The following RBPJ variants were observed in gnomAD, a reference collection of about 807,000 sequenced individuals.
RBPJ encodes recombining binding protein suppressor of hairless.
RBPJ carries 9 observed loss-of-function variants against 67.8 expected under a neutral mutation model. The ratio of observed to expected loss-of-function variants is 0.13; its 90% confidence interval spans 0.08 to 0.23. The LOEUF (loss-of-function observed/expected upper bound fraction) is 0.23. Ranked by LOEUF, RBPJ falls within the 10% of genes least tolerant of loss-of-function variation. The pLI is 1.00. For synonymous variants in RBPJ, 198 were observed against 203.3 expected (o/e 0.97, Z 0.22); for missense variants, 305 against 595.6 (o/e 0.51, Z 5.08).
intron 1 of RBPJ, among the ~76,000 whole-genome samples, chr4:26,302,123 C>T (rs1722097073): frequency 6.6e-6 from 1 of 152,070 alleles, no homozygotes; most frequent in Non-Finnish European, 1.5e-5. Context: ...TATAAAAGGA[C>T]AAAATTTGCA....
intron 1 of RBPJ, among the ~76,000 whole-genome samples, chr4:26,325,079 G>C (rs909879801): frequency 3.3e-5 from 5 of 152,132 alleles, no homozygotes; most frequent in Non-Finnish European, 7.4e-5. Flanking sequence ...TTGCTTCTCT[G>C]TTCTTGGTAG....
chr4:26,155,210 G>C, the RBPJ span, among the ~76,000 whole-genome samples: 1 of 152,074 alleles, frequency 6.6e-6, no homozygotes, highest in Non-Finnish European at 1.5e-5. Context: ...AATCATGAAA[G>C]AAAAAGTACA....
At chr4:26,342,091 C>A (rs1037221105) in intron 1 of RBPJ, among the ~76,000 whole-genome samples, 2 of 152,106 alleles carry the variant, frequency 1.3e-5, no homozygotes, top group African/African-American at 4.8e-5. Context: ...GAGTTTCTGA[C>A]ACAAAAGGTC....
intron 1 of RBPJ, among the ~76,000 whole-genome samples, chr4:26,376,686 G>C (rs1729779116): frequency 6.6e-6 from 1 of 152,176 alleles, no homozygotes. Flanking sequence ...TCTGTGTTTA[G>C]TATTTTGAGG....
intron 7 of RBPJ, among the ~76,000 whole-genome samples, chr4:26,425,604 A>G (rs1735565938): frequency 1.3e-5 from 2 of 152,150 alleles, no homozygotes; most frequent in Non-Finnish European, 2.9e-5. Flanking sequence ...ATGAGATCCT[A>G]TCTCAACAAC....
intron 1 of RBPJ, among the ~76,000 whole-genome samples, chr4:26,374,604 T>C (rs1343231326): frequency 1.1e-4 from 16 of 151,764 alleles, no homozygotes; most frequent in South Asian, 2.1e-4. Context: ...GCCTCCCGAG[T>C]AGCTGGGACT....
At chr4:26,312,787 G>C (rs1722476067) in intron 1 of RBPJ, among the ~76,000 whole-genome samples, 1 of 152,182 alleles carries the variant, frequency 6.6e-6, no homozygotes. Flanking sequence ...TCTTTGTGCT[G>C]TCTATTTTTG....
chr4:26,270,355 GAGAAAGAAAGAAAGAA>G (rs1179109682), intron 1 of RBPJ, among the ~76,000 whole-genome samples: 564 of 52,058 alleles, frequency 0.011, 17 homozygotes, highest in African/African-American at 0.019. Context: ...GAGAGAGCAA[GAGAAAGAAAGAAAGAA>G]AGAAAGAAAG....
chr4:26,169,062 CT>C (rs1245116893), intron 1 of RBPJ, among the ~76,000 whole-genome samples: 1 of 152,274 alleles, frequency 6.6e-6, no homozygotes, highest in African/African-American at 2.4e-5. Flanking sequence ...AAGCTTTCTT[CT>C]CTCAACTCCT....
At chr4:26,204,626 T>G (rs754764372) in intron 1 of RBPJ, among the ~76,000 whole-genome samples, 1 of 152,170 alleles carries the variant, frequency 6.6e-6, no homozygotes, top group Non-Finnish European at 1.5e-5. Flanking sequence ...AGCTCACTGT[T>G]GTGTCCAAGT....
chr4:26,180,518 T>G (rs1175818291), intron 1 of RBPJ, among the ~76,000 whole-genome samples: 2 of 152,150 alleles, frequency 1.3e-5, no homozygotes, highest in African/African-American at 4.8e-5. Context: ...CACTTCCTGC[T>G]TCATAGATGG....
intron 1 of RBPJ, among the ~76,000 whole-genome samples, chr4:26,311,942 A>T (rs956298807): frequency 6.6e-6 from 1 of 151,974 alleles, no homozygotes; most frequent in African/African-American, 2.4e-5. Flanking sequence ...AAAAAAAAAA[A>T]TCTTAAAGCT....
At chr4:26,141,323 C>A in the RBPJ span, among the ~76,000 whole-genome samples, 1 of 152,214 alleles carries the variant, frequency 6.6e-6, no homozygotes, top group Admixed American at 6.5e-5. Flanking sequence ...AAGAATGTAA[C>A]GGCAGGCCAG....
intron 1 of RBPJ, among the ~76,000 whole-genome samples, chr4:26,341,312 G>A (rs1725501776): frequency 6.6e-6 from 1 of 152,002 alleles, no homozygotes; most frequent in Admixed American, 6.6e-5. Flanking sequence ...GATAACATGT[G>A]GTAAAAGACA....
intron 3 of RBPJ, among the ~76,000 whole-genome samples, chr4:26,414,459 G>A (rs999000606): frequency 2.6e-5 from 4 of 152,158 alleles, no homozygotes; most frequent in South Asian, 2.1e-4. Context: ...ATGGGTCACC[G>A]CGCCCAGCCT....
At chr4:26,403,610 C>T (rs1733078862) in intron 2 of RBPJ, among the ~76,000 whole-genome samples, 1 of 152,100 alleles carries the variant, frequency 6.6e-6, no homozygotes, top group East Asian at 1.9e-4. Flanking sequence ...CATTTAGTTC[C>T]CACTTGTAAG....
At chr4:26,109,491 T>TATAC in the RBPJ span, among the ~76,000 whole-genome samples, 35 of 41,416 alleles carry the variant, frequency 8.5e-4, 4 homozygotes, top group Non-Finnish European at 1.2e-3. Flanking sequence ...TATATATATA[T>TATAC]ACACACACAC....
rs530023824 is a variant in RBPJ, at chr4:26,403,005, T to C, written c.60-3170T>C. Reference sequence around the variant, plus strand: ...CCTACTATCTTCTGTTACCGTCTTCTTAGTGTGAGAGCCTTTTTATAAGTT... The same window carrying C: ...CCTACTATCTTCTGTTACCGTCTTCCTAGTGTGAGAGCCTTTTTATAAGTT... On this transcript the variant is annotated intron_variant, in intron 2 of 10. Transcript: ENST00000355476. Among the ~76,000 whole-genome samples the C allele has an allele frequency of 6.6e-5, 10 of 152,356 alleles. No individual in the cohort carries two copies. In the South Asian group the frequency reaches 2.1e-3, roughly 32 times the overall value.
the RBPJ span, among the ~76,000 whole-genome samples, chr4:26,140,758 A>G: frequency 1.3e-5 from 2 of 150,916 alleles, no homozygotes; most frequent in African/African-American, 4.9e-5. Flanking sequence ...TGGGCCAAGG[A>G]CCGCTCCTGG....
Sources: gnomAD v4.1 joint callset for allele counts (sites outside exome capture counted in the v4.1 genomes callset) on GRCh38, gnomAD v4.1.1 for gene constraint, MANE v1.5 for transcripts, NCBI Gene and HGNC (gene_info 2026-07-23, HGNC 2026-07-21) for gene names.